Variants in TAS2R1 observed in about 807,000 individuals in gnomAD.
The protein encoded by TAS2R1 is taste receptor type 2 member 1.
For synonymous variants in TAS2R1, 141 were observed against 134.2 expected, an observed-to-expected ratio of 1.05 and a Z score of -0.35; for missense variants, 370 against 353.4, an observed-to-expected ratio of 1.05 and a Z score of -0.38.
chr5:9,671,510 G>C (rs1698083), intron 1 of TAS2R1, among the ~76,000 whole-genome samples: 57,004 of 151,964 alleles, frequency 0.38, 11,276 homozygotes, highest in Non-Finnish European at 0.45. Flanking sequence ...CAAGCTGAGA[G>C]CCAAATCAAG....
chr5:9,729,258 G>A, the TAS2R1 span, among the ~76,000 whole-genome samples: 1 of 152,148 alleles, frequency 6.6e-6, no homozygotes, highest in Non-Finnish European at 1.5e-5. Context: ...ACCCCCTAGG[G>A]GCAGCCTCTA....
intron 1 of TAS2R1, among the ~76,000 whole-genome samples, chr5:9,684,531 T>C (rs1198176104): frequency 1.3e-5 from 2 of 152,184 alleles, no homozygotes; most frequent in African/African-American, 4.8e-5. Context: ...TTCTCCTTTT[T>C]GAGATGGGTC....
At chr5:9,727,288 A>G in the TAS2R1 span, among the ~76,000 whole-genome samples, 3 of 152,256 alleles carry the variant, frequency 2.0e-5, no homozygotes, top group African/African-American at 7.2e-5. Flanking sequence ...ACCAGGAAGC[A>G]GACATTTAAA....
chr5:9,635,657 C>T (rs116637790), intron 2 of TAS2R1, among the ~76,000 whole-genome samples: 6,029 of 151,004 alleles, frequency 0.04, 173 homozygotes, highest in South Asian at 0.064. Flanking sequence ...GTTTCTATTT[C>T]TTCCTGACTT....
chr5:9,755,248 G>T, the TAS2R1 span, among the ~76,000 whole-genome samples: 1 of 152,074 alleles, frequency 6.6e-6, no homozygotes, highest in Non-Finnish European at 1.5e-5. Flanking sequence ...AAAGAATTTA[G>T]GGCGAGTTCA....
At chr5:9,725,100 G>A in the TAS2R1 span, among the ~76,000 whole-genome samples, 40 of 152,360 alleles carry the variant, frequency 2.6e-4, no homozygotes, top group Admixed American at 5.2e-4. Context: ...TGAGAGAAGG[G>A]GGTGAACTAG....
At chr5:9,697,157 C>G (rs915070940) in intron 1 of TAS2R1, among the ~76,000 whole-genome samples, 6 of 151,764 alleles carry the variant, frequency 4.0e-5, no homozygotes, top group African/African-American at 1.2e-4. Context: ...TGAACTAAAT[C>G]TGAAAGACAC....
chr5:9,755,405 T>C, the TAS2R1 span, among the ~76,000 whole-genome samples: 144 of 151,670 alleles, frequency 9.5e-4, no homozygotes, highest in African/African-American at 3.3e-3. Flanking sequence ...CTGGGCAACA[T>C]GGTGAAACCT....
At chr5:9,870,848 T>C in the TAS2R1 span, among the ~76,000 whole-genome samples, 1 of 152,098 alleles carries the variant, frequency 6.6e-6, no homozygotes, top group Non-Finnish European at 1.5e-5. Context: ...GGACACATCA[T>C]AGTCACTATG....
At chr5:9,791,844 G>T in the TAS2R1 span, among the ~76,000 whole-genome samples, 2 of 152,316 alleles carry the variant, frequency 1.3e-5, no homozygotes, top group Non-Finnish European at 2.9e-5. Context: ...CAATGTAGAG[G>T]ACGCATGCAG....
chr5:9,729,189 A>AG, the TAS2R1 span, among the ~76,000 whole-genome samples: 2 of 152,184 alleles, frequency 1.3e-5, no homozygotes, highest in African/African-American at 4.8e-5. Flanking sequence ...TGTGCTTAGC[A>AG]GGGGGGCAGT....
upstream of TAS2R1, among the ~76,000 whole-genome samples, chr5:9,717,154 A>T (rs376233438): frequency 6.6e-6 from 1 of 152,328 alleles, no homozygotes. Flanking sequence ...GAAATAGACA[A>T]TGCAAAACAA....
chr5:9,840,202 G>A, the TAS2R1 span, among the ~76,000 whole-genome samples: 1 of 152,172 alleles, frequency 6.6e-6, no homozygotes, highest in Non-Finnish European at 1.5e-5. Context: ...CTGCACAAGT[G>A]AGATATTCCT....
the TAS2R1 span, among the ~76,000 whole-genome samples, chr5:9,821,076 G>C: frequency 6.6e-6 from 1 of 152,192 alleles, no homozygotes; most frequent in East Asian, 1.9e-4. Context: ...GAAAGAGAGA[G>C]ACCCTTGATA....
the TAS2R1 span, among the ~76,000 whole-genome samples, chr5:9,886,546 C>T: frequency 2.0e-5 from 3 of 151,898 alleles, no homozygotes; most frequent in African/African-American, 4.8e-5. Flanking sequence ...ATTGACCAGG[C>T]TGGTCTCCAA....
the TAS2R1 span, among the ~76,000 whole-genome samples, chr5:9,738,867 A>G: frequency 6.6e-6 from 1 of 152,126 alleles, no homozygotes; most frequent in East Asian, 1.9e-4. Flanking sequence ...CTGCATACAC[A>G]TATGTTAAGG....
chr5:9,797,258 G>T, the TAS2R1 span, among the ~76,000 whole-genome samples: 1 of 152,196 alleles, frequency 6.6e-6, no homozygotes, highest in African/African-American at 2.4e-5. Flanking sequence ...CTGGCATGTA[G>T]TGCGTAGAGG....
chr5:9,877,421 CT>C, the TAS2R1 span, among the ~76,000 whole-genome samples: 4 of 152,200 alleles, frequency 2.6e-5, no homozygotes, highest in Non-Finnish European at 4.4e-5. Context: ...AATATTGCCC[CT>C]GTGAATGAAA....
the TAS2R1 span, among the ~76,000 whole-genome samples, chr5:9,881,571 C>G: frequency 6.6e-6 from 1 of 152,118 alleles, no homozygotes; most frequent in Non-Finnish European, 1.5e-5. Context: ...GCAAAGAGAA[C>G]AAAGCTGGAA....
Sources: gnomAD v4.1 joint callset for allele counts (sites outside exome capture counted in the v4.1 genomes callset) on GRCh38, gnomAD v4.1.1 for gene constraint, MANE v1.5 for transcripts, NCBI Gene and HGNC (gene_info 2026-07-23, HGNC 2026-07-21) for gene names.